Variants in NALF1 observed in about 807,000 individuals in gnomAD.
The protein encoded by NALF1 is NALCN channel auxiliary factor 1.
NALF1 carries 3 observed loss-of-function variants against 48.4 expected under a neutral mutation model. That is an observed-to-expected ratio of 0.06 (90% CI 0.03 to 0.16). The LOEUF (loss-of-function observed/expected upper bound fraction) is 0.16, where lower values mean the gene tolerates loss of function less well. Ranked by LOEUF, NALF1 falls within the 10% of genes least tolerant of loss-of-function variation. The pLI is 1.00. For synonymous variants in NALF1, 262 were observed against 245.7 expected, an observed-to-expected ratio of 1.07 and a Z score of -0.62; for missense variants, 526 against 571.5, an observed-to-expected ratio of 0.92 and a Z score of 0.81.
chr13:107,274,484 C>T (rs1045542156), intron 1 of NALF1, among the ~76,000 whole-genome samples: 1 of 152,120 alleles, frequency 6.6e-6, no homozygotes, highest in Non-Finnish European at 1.5e-5. Flanking sequence ...ATGGCTTGAG[C>T]CCAGGAGTTC....
At chr13:107,693,311 C>G (rs113370030) in intron 1 of NALF1, among the ~76,000 whole-genome samples, 29 of 76,980 alleles carry the variant, frequency 3.8e-4, no homozygotes, top group African/African-American at 1.3e-3. Flanking sequence ...CACCACACAT[C>G]AGGGCCTGTC....
chr13:107,201,503 C>T (rs9520321), intron 2 of NALF1, among the ~76,000 whole-genome samples: 3 of 151,376 alleles, frequency 2.0e-5, no homozygotes, highest in South Asian at 2.1e-4. Context: ...TGTGAACCCG[C>T]GAGGGGGAGC....
intron 1 of NALF1, among the ~76,000 whole-genome samples, chr13:107,334,306 C>A (rs1156537303): frequency 6.6e-6 from 1 of 152,174 alleles, no homozygotes; most frequent in Admixed American, 6.5e-5. Context: ...ATCTGATCAT[C>A]TGATTTGCTC....
At chr13:107,495,016 C>T (rs1056514846) in intron 1 of NALF1, among the ~76,000 whole-genome samples, 2 of 152,196 alleles carry the variant, frequency 1.3e-5, no homozygotes, top group South Asian at 2.1e-4. Flanking sequence ...CACCAATTCC[C>T]AGATGGACAT....
intron 1 of NALF1, among the ~76,000 whole-genome samples, chr13:107,680,956 T>TGTGC (rs1881285882): frequency 2.6e-5 from 1 of 39,192 alleles, no homozygotes; most frequent in South Asian, 8.4e-4. Context: ...ACAGTGTGTG[T>TGTGC]GTGTGTGTGT....
At chr13:107,611,493 T>C (rs1047576001) in intron 1 of NALF1, among the ~76,000 whole-genome samples, 1 of 39,192 alleles carries the variant, frequency 2.6e-5, no homozygotes, top group Non-Finnish European at 5.4e-5. Context: ...TGGAATATTA[T>C]TGTAGCATTT....
chr13:107,228,755 G>C (rs1880159483), intron 1 of NALF1, among the ~76,000 whole-genome samples: 1 of 152,086 alleles, frequency 6.6e-6, no homozygotes, highest in Admixed American at 6.5e-5. Context: ...GAGTAGCTGG[G>C]ATTAACAGGC....
At chr13:107,718,089 C>T (rs754328457) in intron 1 of NALF1, among the ~76,000 whole-genome samples, 1 of 152,112 alleles carries the variant, frequency 6.6e-6, no homozygotes, top group Non-Finnish European at 1.5e-5. Flanking sequence ...TCAGCGAATG[C>T]GTATCCCTCA....
chr13:107,774,944 TGTA>T (rs1375624001), intron 1 of NALF1, among the ~76,000 whole-genome samples: 1 of 152,208 alleles, frequency 6.6e-6, no homozygotes, highest in Non-Finnish European at 1.5e-5. Context: ...CAGTTATAGA[TGTA>T]AATGCCTATG....
chr13:107,819,463 G>A (rs7987548), intron 1 of NALF1, among the ~76,000 whole-genome samples: 3 of 151,740 alleles, frequency 2.0e-5, no homozygotes, highest in Non-Finnish European at 4.4e-5. Flanking sequence ...TCTTAGGTGG[G>A]ACGCCCCATG....
Position 107,866,693 on chromosome 13 carries a change from T to A in NALF1, c.-97A>T. The A allele has an allele frequency of 1.0e-6, 1 of 966,122 alleles. No individual in the cohort carries two copies. Among genetic ancestry groups the A allele is most frequent in the Middle Eastern group, 3.3e-4 (1 of 2,994 alleles). 59.8% of individuals were successfully genotyped at this position (966,122 alleles called of 1,614,324 possible). A position where few individuals can be genotyped will look rare whatever the true frequency, so the allele number is the denominator to read the frequency against. On this transcript the variant is annotated 5_prime_UTR_variant, in exon 1 of 3. Transcript: ENST00000375915. This position sits in a 1 kb window ranked among gnomAD's most constrained non-coding sequence, Gnocchi z 4.4. ...TGACTTAAAGGGTTTAATTTCCTTA[T>A]CCCCTCCTCCCGTTTCTTCTCTCTC... is the stretch of plus-strand genomic sequence containing the variant.
At chr13:107,178,725 C>T (rs961814731) in intron 2 of NALF1, among the ~76,000 whole-genome samples, 9 of 152,154 alleles carry the variant, frequency 5.9e-5, no homozygotes, top group African/African-American at 2.2e-4. Context: ...GGGCGGATCA[C>T]GAGGTCAGGA....
At chr13:107,778,927 C>T (rs1877813916) in intron 1 of NALF1, among the ~76,000 whole-genome samples, 1 of 152,100 alleles carries the variant, frequency 6.6e-6, no homozygotes, top group South Asian at 2.1e-4. Flanking sequence ...CAGATTTTTC[C>T]CAGGATCAAT....
intron 1 of NALF1, among the ~76,000 whole-genome samples, chr13:107,430,315 G>C (rs1167117777): frequency 6.6e-6 from 1 of 151,470 alleles, no homozygotes; most frequent in Non-Finnish European, 1.5e-5. Context: ...TATACTTTAA[G>C]TTTTAGCGTA....
chr13:107,348,888 C>G (rs971758748), intron 1 of NALF1, among the ~76,000 whole-genome samples: 1 of 152,160 alleles, frequency 6.6e-6, no homozygotes, highest in Non-Finnish European at 1.5e-5. Flanking sequence ...CATGTTAAAC[C>G]TCTCTTCCAT....
At chr13:107,789,752 G>T (rs557598321) in intron 1 of NALF1, among the ~76,000 whole-genome samples, 9 of 152,252 alleles carry the variant, frequency 5.9e-5, no homozygotes, top group African/African-American at 1.7e-4. Flanking sequence ...TGGCACCCAG[G>T]TCTCCCAGCC....
Position 107,448,442 on chromosome 13 carries a change from A to G in NALF1, c.916-237687T>C, listed in dbSNP as rs187686097. ...TTTTGACATGCTGGCACCTTGGACC[A>G]CGTCATTCTATTTTAGCAAAGAGTT... On this transcript the variant is annotated intron_variant, in intron 1 of 2. Coordinates refer to ENST00000375915, the MANE Select transcript of NALF1 (RefSeq NM_001080396.3). 5.3e-4 allele frequency among the ~76,000 whole-genome samples: 80 copies of G among 152,304 alleles called. No individual in the cohort carries two copies. The East Asian group carries it at 0.013, about 24-fold the overall frequency.
intron 1 of NALF1, among the ~76,000 whole-genome samples, chr13:107,828,243 A>G (rs1879580810): frequency 6.6e-6 from 1 of 152,186 alleles, no homozygotes; most frequent in Non-Finnish European, 1.5e-5. Flanking sequence ...TAGCACTGAC[A>G]TTCCAAATTT....
At chr13:107,734,407 A>AC (rs144033603) in intron 1 of NALF1, among the ~76,000 whole-genome samples, 107,410 of 146,240 alleles carry the variant, frequency 0.73, 39,929 homozygotes, top group Non-Finnish European at 0.83. Context: ...CCTTTAAAAA[A>AC]AAACACACAC....
Sources: allele counts gnomAD v4.1 joint callset (sites outside exome capture counted in the v4.1 genomes callset), GRCh38; gene constraint gnomAD v4.1.1; non-coding constraint Gnocchi (gnomAD v3.1); transcripts MANE v1.5; gene names NCBI Gene and HGNC (gene_info 2026-07-23, HGNC 2026-07-21).